The following TUBA1C variants were observed in gnomAD, a reference collection of about 807,000 sequenced individuals.
The protein encoded by TUBA1C is tubulin alpha-1C chain.
A neutral mutation model predicts 34.9 loss-of-function variants in TUBA1C; 16 were observed. The ratio of observed to expected loss-of-function variants is 0.46; its 90% confidence interval spans 0.31 to 0.70. The LOEUF is 0.70. Ranked by LOEUF, TUBA1C falls within the 30% of genes least tolerant of loss-of-function variation. TUBA1C has a pLI of 0.05. For missense variants in TUBA1C, 329 were observed against 587.3 expected (o/e 0.56, Z 4.55); for synonymous variants, 177 against 215.9 (o/e 0.82, Z 1.58).
At chr12:49,247,567 G>A (rs1351685613) in intron 1 of TUBA1C, among the ~76,000 whole-genome samples, 1 of 150,760 alleles carries the variant, frequency 6.6e-6, no homozygotes, top group Non-Finnish European at 1.5e-5. Context: ...TTGCACCACT[G>A]CACTCTAGCC....
chr12:49,240,035 G>GACACACACACACACACAC (rs5798100), intron 1 of TUBA1C, among the ~76,000 whole-genome samples: 2 of 138,682 alleles, frequency 1.4e-5, no homozygotes, highest in African/African-American at 5.3e-5. Flanking sequence ...TCAGAGCACA[G>GACACACACACACACACAC]ACACACACAC....
chr12:49,268,935 T>C (rs1386851027), intron 1 of TUBA1C, among the ~76,000 whole-genome samples: 2 of 152,214 alleles, frequency 1.3e-5, no homozygotes, highest in African/African-American at 4.8e-5. Context: ...ACAAAGCAAC[T>C]GTCTGGTCTT....
Position 49,272,097 on chromosome 12 carries a change from T to C in TUBA1C, c.376-156T>C, listed in dbSNP as rs1942998895. 3.3e-5 allele frequency among the ~76,000 whole-genome samples: 5 copies of C among 152,102 alleles called. No individual in the cohort carries two copies. The South Asian group carries it at 1.0e-3, about 32-fold the overall frequency. Reference sequence around the variant, plus strand: ...CTCCCACCTTGGACCCCCAAAGTGTTGATTACAGGCGTGAGCCACTGCGCC... The same window carrying C: ...CTCCCACCTTGGACCCCCAAAGTGTCGATTACAGGCGTGAGCCACTGCGCC... On this transcript the variant is annotated intron_variant, in intron 3 of 3. Transcript: ENST00000301072.
chr12:49,234,627 G>A (rs922372984), intron 1 of TUBA1C, among the ~76,000 whole-genome samples: 2 of 152,120 alleles, frequency 1.3e-5, no homozygotes, highest in Admixed American at 1.3e-4. Context: ...TCTCCAGGCC[G>A]CAGCCGCCGC....
intron 1 of TUBA1C, among the ~76,000 whole-genome samples, chr12:49,230,204 G>C (rs1204324532): frequency 6.6e-6 from 1 of 151,062 alleles, no homozygotes; most frequent in Non-Finnish European, 1.5e-5. Flanking sequence ...ATAATGACTT[G>C]TACTGTTTTC....
chr12:49,273,078 A>G lies in TUBA1C; in HGVS notation c.1201A>G (p.Lys401Glu). 1 of 1,614,244 alleles carries G rather than the reference A, an allele frequency of 6.2e-7. No homozygotes were observed. The highest frequency in any genetic ancestry group is 8.5e-7 in the Non-Finnish European group (1 of 1,180,046). ...CCACAAGTTTGACCTGATGTATGCC[A>G]AGCGTGCCTTTGTTCACTGGTACGT... ...LDHKFDLMYAKRAFVHWYVGE... is the reference protein window; with the variant it reads ...LDHKFDLMYAERAFVHWYVGE... The change falls in exon 4 of 4, where the codon AAG (lysine) becomes GAG (glutamate). Residue 401 changes from lysine (K) to glutamate (E), a missense_variant. Lys to Glu is a moderately conservative substitution (Grantham distance 56). This residue lies in a region of TUBA1C where 140 missense variants were observed against 289.8 expected (regional missense o/e 0.48). Transcript: ENST00000301072.
Position 49,267,845 on chromosome 12 carries a change from T to C in TUBA1C, c.4-1620T>C, listed in dbSNP as rs377657711. Among the ~76,000 whole-genome samples, 273 of 152,306 alleles carry C rather than the reference T, an allele frequency of 1.8e-3. 1 individual carries two copies. The highest frequency in any genetic ancestry group is 6.1e-3 in the African/African-American group (253 of 41,568). ...AGTAATTAGGGTTTTTATTATCTCT[T>C]GGCTTATGAGACCAGGTCCTTTGAG... On this transcript the variant is annotated intron_variant, in intron 1 of 3. Transcript: ENST00000301072.
At chr12:49,228,086 A>T in exon 1 of TUBA1C, 1 of 1,535,662 alleles carries the variant, frequency 6.5e-7, no homozygotes, top group South Asian at 1.2e-5. Context: ...TATTTACTTC[A>T]CCAGGACTCT....
chr12:49,231,447 G>A (rs1284985653), intron 1 of TUBA1C, among the ~76,000 whole-genome samples: 5 of 152,188 alleles, frequency 3.3e-5, no homozygotes, highest in Non-Finnish European at 7.3e-5. Context: ...TGGGATTACA[G>A]GTGTGAGCCA....
chr12:49,270,045 A>G (rs1000403442), intron 3 of TUBA1C, 69 bp downstream of exon 3: 12 of 1,613,726 alleles, frequency 7.4e-6, no homozygotes, highest in Non-Finnish European at 9.3e-6. Context: ...AACTACAGAA[A>G]TCATTCTTTG....
chr12:49,247,839 T>C (rs1942687581), intron 1 of TUBA1C, among the ~76,000 whole-genome samples: 2 of 146,606 alleles, frequency 1.4e-5, no homozygotes, highest in South Asian at 2.1e-4. Flanking sequence ...TCCCAGCTAC[T>C]CAGGAGGCTG....
intron 3 of TUBA1C, among the ~76,000 whole-genome samples, chr12:49,271,093 G>A (rs1167691872): frequency 2.0e-5 from 3 of 152,184 alleles, no homozygotes; most frequent in Non-Finnish European, 4.4e-5. Context: ...GTTCTGGAAC[G>A]TGAGGTTTAT....
At chr12:49,264,653 C>T (rs1417901979), upstream of TUBA1C, 1 of 152,728 alleles carries the variant, frequency 6.5e-6, no homozygotes, top group Non-Finnish European at 1.5e-5. Flanking sequence ...GCCCTCTTAC[C>T]TGGAGCTTCC....
upstream of TUBA1C, chr12:49,264,987 G>C (rs1942884235): frequency 1.3e-6 from 1 of 742,928 alleles, no homozygotes; most frequent in African/African-American, 1.8e-5. Flanking sequence ...TCGAAGGTGG[G>C]GCCGCAGCGG....
upstream of TUBA1C, chr12:49,264,672 G>T (rs1265316680): frequency 1.3e-5 from 2 of 153,454 alleles, no homozygotes; most frequent in East Asian, 3.8e-4. Flanking sequence ...CCCCTCGCTG[G>T]GGTTTTGCCC....
At chr12:49,242,710 A>T (rs564458281) in intron 1 of TUBA1C, among the ~76,000 whole-genome samples, 1 of 151,298 alleles carries the variant, frequency 6.6e-6, no homozygotes, top group South Asian at 2.1e-4. Flanking sequence ...CTGTTCTCAA[A>T]CTCCTAGTCT....
intron 1 of TUBA1C, among the ~76,000 whole-genome samples, chr12:49,241,201 C>A (rs905214437): frequency 6.6e-6 from 1 of 152,066 alleles, no homozygotes; most frequent in African/African-American, 2.4e-5. Context: ...CATGCCTGGT[C>A]CCATCTTAGC....
Position 49,238,123 on chromosome 12 carries a change from A to G in TUBA1C, c.213+9957A>G, listed in dbSNP as rs376867973. ...AGATTCCGCCTCAAAAAAAAAAAAA[A>G]AGTTCACTCCGGCAATGCATGAGTG... On this transcript the variant is annotated intron_variant, in intron 1 of 3. Coordinates refer to the TUBA1C transcript ENST00000541364. 3.9e-5 allele frequency among the ~76,000 whole-genome samples: 6 copies of G among 152,052 alleles called. No homozygotes were observed. In the East Asian group the frequency reaches 9.7e-4, roughly 25 times the overall value.
At chr12:49,245,079 A>T (rs373738190) in intron 1 of TUBA1C, among the ~76,000 whole-genome samples, 97 of 152,306 alleles carry the variant, frequency 6.4e-4, no homozygotes, top group African/African-American at 2.3e-3. Flanking sequence ...TGGGAAGTAA[A>T]TGATAATTTT....
Sources: allele counts gnomAD v4.1 joint callset (sites outside exome capture counted in the v4.1 genomes callset), GRCh38; gene constraint gnomAD v4.1.1; regional missense constraint gnomAD v4.1.1; transcripts MANE v1.5; gene names NCBI Gene and HGNC (gene_info 2026-07-23, HGNC 2026-07-21).